TLN2: variants seen among roughly 807,000 people sequenced by gnomAD.
TLN2 encodes the protein talin 2.
In TLN2, 118 loss-of-function variants were observed where a neutral mutation model predicts 294.7. That is an observed-to-expected ratio of 0.40 (90% CI 0.34 to 0.47). TLN2 has a LOEUF of 0.47. Ranked by LOEUF, TLN2 falls within the 20% of genes least tolerant of loss-of-function variation. The pLI, the probability that TLN2 is intolerant of heterozygous loss-of-function variation, is 0.84. For synonymous variants in TLN2, 1,431 were observed against 1,304.5 expected, an observed-to-expected ratio of 1.10 and a Z score of -2.09; for missense variants, 3,083 against 3,282.2, an observed-to-expected ratio of 0.94 and a Z score of 1.48.
At chr15:62,407,106 G>A (rs1277184820) in intron 1 of TLN2, among the ~76,000 whole-genome samples, 1 of 152,050 alleles carries the variant, frequency 6.6e-6, no homozygotes. Context: ...CTTAAGTAAA[G>A]TCAACAAAGC....
chr15:62,490,320 C>T (rs967601024), intron 1 of TLN2, among the ~76,000 whole-genome samples: 5 of 152,094 alleles, frequency 3.3e-5, no homozygotes, highest in Non-Finnish European at 7.4e-5. Flanking sequence ...ATTATTTGTT[C>T]TGGCAGTTGT....
chr15:62,781,072 C>A, intron 43 of TLN2, 68 bp from the exon 44 acceptor site: 2 of 1,224,980 alleles, frequency 1.6e-6, no homozygotes, highest in Non-Finnish European at 2.4e-6. Flanking sequence ...GTTCCTAATT[C>A]TCGTAAATAC....
At chr15:62,696,804 C>G (rs2141082475) in intron 14 of TLN2, among the ~76,000 whole-genome samples, 1 of 152,300 alleles carries the variant, frequency 6.6e-6, no homozygotes, top group East Asian at 1.9e-4. Context: ...GGTTCCAAAG[C>G]CTCACATGGT....
intron 1 of TLN2, among the ~76,000 whole-genome samples, chr15:62,447,480 C>T (rs2035883101): frequency 1.3e-5 from 2 of 149,906 alleles, no homozygotes; most frequent in South Asian, 2.1e-4. Context: ...GCTCCTTGGA[C>T]AGAGTTAACT....
intron 28 of TLN2, among the ~76,000 whole-genome samples, chr15:62,731,331 C>G (rs1050517631): frequency 5.3e-5 from 8 of 150,942 alleles, no homozygotes; most frequent in African/African-American, 1.9e-4. Context: ...GTTTTGTCTC[C>G]TGGTGTTTTC....
Position 62,783,842 on chromosome 15 carries a change from C to A in TLN2, c.5688C>A (p.His1896Gln). 6.2e-7 allele frequency: 1 copy of A among 1,614,004 alleles called. No homozygotes were observed. Among genetic ancestry groups the A allele is most frequent in the Non-Finnish European group, 8.5e-7 (1 of 1,179,912 alleles). The change falls in exon 45 of 59, where the codon CAC becomes CAA. Residue 1896 changes from histidine (H) to glutamine (Q), a missense_variant. His to Gln is a conservative substitution (Grantham distance 24). Coordinates refer to ENST00000636159, the MANE Select transcript of TLN2 (RefSeq NM_015059.3). The part of the protein sequence containing the change: ...LASQMTSDYG[H>Q]LAFQGQMAAA... ...CACAAATGACCAGTGACTATGGGCA[C>A]CTGGCTTTCCAGGGCCAGATGGCAG... is the stretch of plus-strand genomic sequence containing the variant.
intron 1 of TLN2, among the ~76,000 whole-genome samples, chr15:62,421,999 A>G (rs1017308146): frequency 6.6e-6 from 1 of 151,846 alleles, no homozygotes; most frequent in African/African-American, 2.4e-5. Context: ...AGTAGCTCAC[A>G]CCTGTAATCC....
In TLN2 at chr15:62,714,189, G is replaced by GT. The variant is rs5813163; in HGVS notation, c.2635-2123dup. ...AGTATTGAGCCAGGCCAATGTGCAC[G>GT]TTTTTTTTTTTTTTTTTTTCTTTTT... is the stretch of plus-strand genomic sequence containing the variant. On this transcript the variant is annotated intron_variant, in intron 22 of 58. Transcript: ENST00000636159. 1.1e-3 allele frequency among the ~76,000 whole-genome samples: 108 copies of GT among 96,400 alleles called. 3 individuals are homozygous for GT. Among genetic ancestry groups the GT allele is most frequent in the East Asian group, 0.01 (31 of 2,982 alleles). The allele number at this position is 96,400 out of a possible 152,430, so 63.2% of individuals were successfully genotyped here.
intron 1 of TLN2, among the ~76,000 whole-genome samples, chr15:62,531,147 C>T (rs2041020857): frequency 6.6e-6 from 1 of 152,168 alleles, no homozygotes; most frequent in Non-Finnish European, 1.5e-5. Context: ...CAGAGCTATT[C>T]ACAATAGCAA....
intron 1 of TLN2, among the ~76,000 whole-genome samples, chr15:62,439,376 G>A (rs567009150): frequency 6.6e-6 from 1 of 152,204 alleles, no homozygotes; most frequent in African/African-American, 2.4e-5. Context: ...GCAGTGGCAT[G>A]ATCTCAGCTC....
intron 55 of TLN2, 105 bp from the exon 56 acceptor site, chr15:62,835,632 C>T (rs2069439872): frequency 3.9e-6 from 5 of 1,286,964 alleles, no homozygotes; most frequent in Non-Finnish European, 5.6e-6. Context: ...GCAGGAGGCA[C>T]CAAGCGGGGT....
intron 14 of TLN2, among the ~76,000 whole-genome samples, chr15:62,695,372 T>G (rs1199729629): frequency 6.6e-6 from 1 of 152,208 alleles, no homozygotes; most frequent in Non-Finnish European, 1.5e-5. Flanking sequence ...CCATTCTTCC[T>G]GCTTGCCTTG....
At chr15:62,413,108 TA>T (rs2033867842) in intron 1 of TLN2, among the ~76,000 whole-genome samples, 1 of 152,150 alleles carries the variant, frequency 6.6e-6, no homozygotes, top group East Asian at 1.9e-4. Flanking sequence ...TCTTTGCAGG[TA>T]AAATCAAGTG....
At chr15:62,589,905 G>C (rs1272352022) in intron 2 of TLN2, 143 bp downstream of exon 2, 1 of 152,298 alleles carries the variant, frequency 6.6e-6, no homozygotes, top group African/African-American at 2.4e-5. Context: ...GGTGTGAAGA[G>C]TGCCCGGTCC....
In TLN2 at chr15:62,717,591, G is replaced by A. The variant is rs758717401; in HGVS notation, c.2779G>A (p.Ala927Thr). Residue 927 changes from alanine to threonine, a missense_variant, in exon 24 of 59, where the codon GCC (alanine) becomes ACC (threonine). By Grantham distance (58) the Ala-to-Thr change is moderately conservative. Transcript: ENST00000636159. ...VNRLEVAAKQ[A>T]AAAATQTIAA... ...TCCTCTGCAGGTTGCAGCCAAGCAG[G>A]CCGCAGCGGCAGCCACACAGACCAT... 1.3e-6 allele frequency: 2 copies of A among 1,579,852 alleles called. No individual in the cohort carries two copies. Among genetic ancestry groups the A allele is most frequent in the Admixed American group, 1.9e-5 (1 of 52,374 alleles).
chr15:62,744,206 C>T (rs1474377752), intron 32 of TLN2, among the ~76,000 whole-genome samples: 5 of 152,034 alleles, frequency 3.3e-5, no homozygotes, highest in Admixed American at 1.3e-4. Context: ...CATTTTCTTC[C>T]GGCTCCCTGC....
chr15:62,604,694 CTTTT>C (rs59233796), intron 2 of TLN2, among the ~76,000 whole-genome samples: 1 of 137,726 alleles, frequency 7.3e-6, no homozygotes, highest in African/African-American at 2.7e-5. Context: ...TCTTCGTCTT[CTTTT>C]TTTTTTTTTT....
chr15:62,681,568 G>A (rs988158747), intron 11 of TLN2, among the ~76,000 whole-genome samples: 2 of 152,308 alleles, frequency 1.3e-5, no homozygotes, highest in South Asian at 2.1e-4. Flanking sequence ...GCATGTTGGA[G>A]TTGGGAAGAT....
chr15:62,610,882 A>T (rs1245704898), intron 2 of TLN2, among the ~76,000 whole-genome samples: 2 of 152,218 alleles, frequency 1.3e-5, no homozygotes, highest in Non-Finnish European at 2.9e-5. Context: ...GGGCACACGC[A>T]CGGGTGTGTC....
Sources: allele counts gnomAD v4.1 joint callset (sites outside exome capture counted in the v4.1 genomes callset), GRCh38; gene constraint gnomAD v4.1.1; transcripts MANE v1.5; gene names NCBI Gene and HGNC (gene_info 2026-07-23, HGNC 2026-07-21).